AGFG1: variants seen among roughly 807,000 people sequenced by gnomAD.
AGFG1 encodes the protein ArfGAP with FG repeats 1, also known as arf-GAP domain and FG repeat-containing protein 1.
Under a neutral mutation model 60.6 loss-of-function variants are expected in AGFG1, and 10 were observed. That is an observed-to-expected ratio of 0.16 (90% confidence interval 0.10 to 0.28). The LOEUF is 0.28. Ranked by LOEUF, AGFG1 falls within the 10% of genes least tolerant of loss-of-function variation. The pLI is 1.00. For synonymous variants in AGFG1, 247 were observed against 242.9 expected, an observed-to-expected ratio of 1.02 and a Z score of -0.16; for missense variants, 537 against 676.5, an observed-to-expected ratio of 0.79 and a Z score of 2.29.
rs1384668878 is a variant in AGFG1, at chr2:227,558,011, C to T, written c.*3516C>T. ...CTTGCAGGGCAAACATAACTATTCC[C>T]TGGGTTTTTTTTGTTTGCTAGTGAG... On this transcript the variant is annotated 3_prime_UTR_variant, in exon 13 of 13. Transcript: ENST00000310078. The T allele has an allele frequency of 1.3e-5, 2 of 152,168 alleles. No individual in the cohort carries two copies. Among genetic ancestry groups the T allele is most frequent in the African/African-American group, 4.8e-5 (2 of 41,446 alleles). 9.4% of individuals were successfully genotyped at this position (152,168 alleles called of 1,614,324 possible).
At chr2:227,505,771 T>C (rs1035509696) in intron 2 of AGFG1, among the ~76,000 whole-genome samples, 5 of 152,110 alleles carry the variant, frequency 3.3e-5, no homozygotes, top group Admixed American at 1.3e-4. Context: ...CGGAGTCTTA[T>C]TCTGTCGTCC....
chr2:227,479,797 T>C (rs932482881), intron 1 of AGFG1, among the ~76,000 whole-genome samples: 4 of 152,252 alleles, frequency 2.6e-5, no homozygotes, highest in Non-Finnish European at 5.9e-5. Context: ...AATAGCATGT[T>C]CCTTGTGACA....
intron 2 of AGFG1, among the ~76,000 whole-genome samples, chr2:227,514,153 C>CAT (rs1691582690): frequency 6.6e-6 from 1 of 152,192 alleles, no homozygotes; most frequent in Non-Finnish European, 1.5e-5. Flanking sequence ...TTCATCACTC[C>CAT]ATAGCCCATC....
rs1037177492 is a variant in AGFG1, at chr2:227,560,267, T to C, written c.*5772T>C. On this transcript the variant is annotated 3_prime_UTR_variant, in exon 13 of 13. Transcript: ENST00000310078. ...GACTTTTCTACTAAAAATATTGTTATAATGATAATATCCTTATGCATATAT... is the reference window on the plus strand; with the variant it reads ...GACTTTTCTACTAAAAATATTGTTACAATGATAATATCCTTATGCATATAT... 6.6e-6 allele frequency: 1 copy of C among 152,272 alleles called. No homozygotes were observed. Among genetic ancestry groups the C allele is most frequent in the Non-Finnish European group, 1.5e-5 (1 of 67,970 alleles). 9.4% of individuals were successfully genotyped at this position (152,272 alleles called of 1,614,324 possible).
At position 227,472,291 on chromosome 2, in the gene AGFG1, G is replaced by C. The variant is rs1690112474; in HGVS notation, c.-131G>C. 1 of 479,136 alleles carries C rather than the reference G, an allele frequency of 2.1e-6. No homozygotes were observed. Among genetic ancestry groups the C allele is most frequent in the Non-Finnish European group, 2.7e-6 (1 of 368,822 alleles). The allele number at this position is 479,136 out of a possible 1,614,324, so 29.7% of individuals were successfully genotyped here. A position where few individuals can be genotyped will look rare whatever the true frequency, so the allele number is the denominator to read the frequency against. On this transcript the variant is annotated 5_prime_UTR_variant, in exon 1 of 13. Coordinates refer to ENST00000310078, the MANE Select transcript of AGFG1 (RefSeq NM_004504.5). ...CAGTACAGCCAAGCCGCTGCGGCCG[G>C]GTCCGGCGCGGGCGGCGCGCGCAGA...
intron 1 of AGFG1, among the ~76,000 whole-genome samples, chr2:227,480,742 C>T (rs1690433736): frequency 6.6e-6 from 1 of 152,206 alleles, no homozygotes; most frequent in South Asian, 2.1e-4. Flanking sequence ...ATGTTAGATG[C>T]TCTGTTTCCA....
At chr2:227,500,652 G>A (rs1379641023) in intron 2 of AGFG1, among the ~76,000 whole-genome samples, 2 of 152,092 alleles carry the variant, frequency 1.3e-5, no homozygotes, top group African/African-American at 4.8e-5. Context: ...TAAACATTGT[G>A]CTATATTTGC....
At chr2:227,497,686 A>G (rs1691015360) in intron 2 of AGFG1, among the ~76,000 whole-genome samples, 1 of 150,988 alleles carries the variant, frequency 6.6e-6, no homozygotes, top group African/African-American at 2.4e-5. Flanking sequence ...TACCTAAAGC[A>G]GTGAAAATGC....
At chr2:227,533,492 T>G in intron 6 of AGFG1, 57 bp from the exon 7 acceptor site, 49 of 1,418,334 alleles carry the variant, frequency 3.5e-5, no homozygotes, top group Non-Finnish European at 4.6e-5. Context: ...ATACAGTCTA[T>G]GAGAGGGTAC....
At chr2:227,498,189 G>A (rs1482716224) in intron 2 of AGFG1, among the ~76,000 whole-genome samples, 2 of 151,834 alleles carry the variant, frequency 1.3e-5, no homozygotes, top group Admixed American at 6.6e-5. Flanking sequence ...GCCCAAGATC[G>A]TGCTTTTATG....
Position 227,533,536 on chromosome 2 carries a change from T to C in AGFG1, c.815-13T>C, listed in dbSNP as rs760810894. The C allele has an allele frequency of 3.7e-6, 6 of 1,612,126 alleles. No homozygotes were observed. The South Asian group carries it at 6.6e-5, about 18-fold the overall frequency. On this transcript the variant is annotated splice_polypyrimidine_tract_variant and intron_variant, in intron 6 of 12. Coordinates refer to ENST00000310078, the MANE Select transcript of AGFG1 (RefSeq NM_004504.5). ...GCTTAGAAATTTCAAGTGCTCTGTT[T>C]ATTCTGTTACAGGTGGAAGTGCTGC... is the stretch of plus-strand genomic sequence containing the variant.
At chr2:227,538,597 A>G (rs1048784014) in intron 10 of AGFG1, among the ~76,000 whole-genome samples, 3 of 152,210 alleles carry the variant, frequency 2.0e-5, no homozygotes, top group South Asian at 2.1e-4. Flanking sequence ...AATGTGAACA[A>G]TATTCTCTTG....
chr2:227,497,734 TG>T (rs767980366), intron 2 of AGFG1, among the ~76,000 whole-genome samples: 2,629 of 11,252 alleles, frequency 0.23, 470 homozygotes, highest in African/African-American at 0.35. Flanking sequence ...TTTCTTGTTT[TG>T]TTTTTTTTTT....
chr2:227,509,929 G>A lies in AGFG1; in HGVS notation c.262-10019G>A, dbSNP rs1691446882. Among the ~76,000 whole-genome samples the A allele has an allele frequency of 2.6e-5, 4 of 152,242 alleles. No individual in the cohort carries two copies. In the South Asian group the frequency reaches 8.3e-4, roughly 31 times the overall value. On this transcript the variant is annotated intron_variant, in intron 2 of 12. Coordinates refer to ENST00000310078, the MANE Select transcript of AGFG1 (RefSeq NM_004504.5). ...TGATATATTTAACTAGATAAAACAA[G>A]GAAACTCGTGAAAGGCAGAGTAAAT...
Position 227,532,292 on chromosome 2 carries a change from TTAA to T in AGFG1, c.814+1087_814+1089del, listed in dbSNP as rs1692187659. On this transcript the variant is annotated intron_variant, in intron 6 of 12. Transcript: ENST00000310078. ...CAAGGGTTTTTCCAGTTATAGATTG[TTAA>T]TAATTCTTTAGTGATAATCCTTCAT... is the stretch of plus-strand genomic sequence containing the variant. The T allele has an allele frequency of 2.9e-6, 3 of 1,023,736 alleles. No individual in the cohort carries two copies. In the Admixed American group the frequency reaches 9.2e-5, roughly 31 times the overall value. 63.4% of individuals were successfully genotyped at this position (1,023,736 alleles called of 1,614,324 possible). A position where few individuals can be genotyped will look rare whatever the true frequency, so the allele number is the denominator to read the frequency against.
chr2:227,497,175 C>T (rs1279642593), intron 2 of AGFG1, among the ~76,000 whole-genome samples: 1 of 148,818 alleles, frequency 6.7e-6, no homozygotes, highest in East Asian at 2.0e-4. Flanking sequence ...TCCCCCCCCA[C>T]CCCACACACA....
In AGFG1 at chr2:227,530,543, A is replaced by C. The variant is rs574190049; in HGVS notation, c.695-548A>C. On this transcript the variant is annotated intron_variant, in intron 5 of 12. Transcript: ENST00000310078. ...ATTGCAGGCTTCTAATAGAATATGA[A>C]TATCTTCAATTTATTTGGTGATCTT... Among the ~76,000 whole-genome samples, 66 of 152,242 alleles carry C rather than the reference A, an allele frequency of 4.3e-4. 1 individual carries two copies. In the Middle Eastern group the frequency reaches 0.01, roughly 24 times the overall value.
chr2:227,491,521 A>G, intron 1 of AGFG1, 26 bp from the exon 2 acceptor site: 1 of 1,480,258 alleles, frequency 6.8e-7, no homozygotes, highest in Non-Finnish European at 9.1e-7. Flanking sequence ...GTACTAGTAA[A>G]TTTTGTAAAA....
At position 227,558,000 on chromosome 2, in the gene AGFG1, A is replaced by G. The variant is rs528825187; in HGVS notation, c.*3505A>G. ...AACAGTATTTACTTGCAGGGCAAAC[A>G]TAACTATTCCCTGGGTTTTTTTTGT... On this transcript the variant is annotated 3_prime_UTR_variant, in exon 13 of 13. Transcript: ENST00000310078. 2.6e-5 allele frequency: 4 copies of G among 152,370 alleles called. No homozygotes were observed. In the East Asian group the frequency reaches 5.8e-4, roughly 22 times the overall value. 9.4% of individuals were successfully genotyped at this position (152,370 alleles called of 1,614,324 possible).
Sources: gnomAD v4.1 joint callset for allele counts (sites outside exome capture counted in the v4.1 genomes callset) on GRCh38, gnomAD v4.1.1 for gene constraint, MANE v1.5 for transcripts, NCBI Gene and HGNC (gene_info 2026-07-23, HGNC 2026-07-21) for gene names.